CFAP54: variants seen among roughly 807,000 people sequenced by gnomAD.
CFAP54 encodes the protein cilia and flagella associated protein 54.
In CFAP54, 290 loss-of-function variants were observed where a neutral mutation model predicts 370.4. The ratio of observed to expected loss-of-function variants is 0.78; its 90% CI spans 0.71 to 0.86. The LOEUF (loss-of-function observed/expected upper bound fraction) is 0.86, where lower values mean the gene tolerates loss of function less well. Among genes scored for constraint, CFAP54 ranks in the 40% least tolerant of loss-of-function variants. The pLI, the probability that CFAP54 is intolerant of heterozygous loss-of-function variation, is 0.00. For missense variants in CFAP54, 3,399 were observed against 3,528.7 expected, an observed-to-expected ratio of 0.96 and a Z score of 0.93; for synonymous variants, 1,206 against 1,236.5, an observed-to-expected ratio of 0.98 and a Z score of 0.52.
intron 14 of CFAP54, among the ~76,000 whole-genome samples, chr12:96,547,581 A>C (rs1955653960): frequency 6.6e-6 from 1 of 152,184 alleles, no homozygotes; most frequent in South Asian, 2.1e-4. Context: ...GATTTTTTTA[A>C]ATTACCTTAC....
At chr12:96,698,240 T>C (rs1957456042) in intron 45 of CFAP54, among the ~76,000 whole-genome samples, 1 of 152,220 alleles carries the variant, frequency 6.6e-6, no homozygotes, top group South Asian at 2.1e-4. Flanking sequence ...AGAACTCCTT[T>C]TTCTATAATT....
At chr12:96,812,832 T>G (rs1027685229) in intron 64 of CFAP54, among the ~76,000 whole-genome samples, 1 of 152,220 alleles carries the variant, frequency 6.6e-6, no homozygotes, top group East Asian at 1.9e-4. Context: ...TATTTTCAAT[T>G]GTTCAGTCAG....
chr12:96,538,655 A>G, intron 13 of CFAP54, 137 bp downstream of exon 13: 1 of 808,932 alleles, frequency 1.2e-6, no homozygotes, highest in South Asian at 1.9e-5. Context: ...TATATAAAGA[A>G]GATATTCTTT....
At chr12:96,750,448 T>G (rs1958170009) in intron 55 of CFAP54, among the ~76,000 whole-genome samples, 1 of 152,248 alleles carries the variant, frequency 6.6e-6, no homozygotes, top group East Asian at 1.9e-4. Context: ...TTGTTATATG[T>G]TGATGATCAT....
intron 22 of CFAP54, among the ~76,000 whole-genome samples, chr12:96,581,813 T>C (rs1204548644): frequency 1.3e-5 from 2 of 152,120 alleles, no homozygotes; most frequent in African/African-American, 4.8e-5. Context: ...TTCCATTAAG[T>C]ATTCTTCCAA....
At chr12:96,770,519 A>G (rs1958450620) in intron 60 of CFAP54, among the ~76,000 whole-genome samples, 1 of 152,240 alleles carries the variant, frequency 6.6e-6, no homozygotes, top group South Asian at 2.1e-4. Context: ...TTAGAAGAGC[A>G]CAGTGGAATG....
At chr12:96,666,133 G>T (rs763486726) in intron 39 of CFAP54, among the ~76,000 whole-genome samples, 1 of 152,174 alleles carries the variant, frequency 6.6e-6, no homozygotes, top group Non-Finnish European at 1.5e-5. Context: ...AAGGAAAAGA[G>T]ATATTGATAG....
chr12:96,623,882 G>A lies in CFAP54; in HGVS notation c.3886+1G>A. 6.6e-7 allele frequency: 1 copy of A among 1,506,862 alleles called. No individual in the cohort carries two copies. Among genetic ancestry groups the A allele is most frequent in the African/African-American group, 1.4e-5 (1 of 72,354 alleles). The allele number at this position is 1,506,862 out of a possible 1,614,324, so 93.3% of individuals were successfully genotyped here. On this transcript the variant is annotated splice_donor_variant, in intron 28 of 67. Coordinates refer to ENST00000524981, the MANE Select transcript of CFAP54 (RefSeq NM_001306084.2). LOFTEE classifies it high-confidence loss of function. Reference sequence around the variant, plus strand: ...CACCTACTCAAACTGACAAAGCAATGTAATCATTTGTTTTCTGTATACTTC... The same window carrying A: ...CACCTACTCAAACTGACAAAGCAATATAATCATTTGTTTTCTGTATACTTC...
chr12:96,873,666 A>G (rs1202005731), intron 67 of CFAP54, among the ~76,000 whole-genome samples: 1 of 152,226 alleles, frequency 6.6e-6, no homozygotes, highest in Non-Finnish European at 1.5e-5. Flanking sequence ...TCTATTGCAA[A>G]TAGTCAACTC....
intron 9 of CFAP54, among the ~76,000 whole-genome samples, chr12:96,531,850 G>C (rs1469981796): frequency 9.9e-5 from 15 of 152,144 alleles, no homozygotes; most frequent in Middle Eastern, 3.4e-3. Context: ...TCAGCCTCCC[G>C]AGTAGTTGGG....
intron 48 of CFAP54, among the ~76,000 whole-genome samples, chr12:96,710,943 TC>T (rs1029663682): frequency 6.6e-6 from 1 of 152,164 alleles, no homozygotes; most frequent in African/African-American, 2.4e-5. Context: ...TGGGAAGTGT[TC>T]CCTCCTCTTT....
chr12:96,654,884 A>C (rs1182539149), intron 36 of CFAP54, among the ~76,000 whole-genome samples: 2 of 148,998 alleles, frequency 1.3e-5, no homozygotes, highest in African/African-American at 4.9e-5. Context: ...ACAAATACCA[A>C]CTGGAAAAGT....
chr12:96,733,673 C>T (rs187327209), intron 50 of CFAP54, among the ~76,000 whole-genome samples: 3 of 151,754 alleles, frequency 2.0e-5, no homozygotes, highest in South Asian at 4.2e-4. Context: ...AGATTTTAGA[C>T]TGTTGGCAGT....
intron 63 of CFAP54, among the ~76,000 whole-genome samples, chr12:96,811,160 G>T (rs191240651): frequency 2.0e-5 from 3 of 152,236 alleles, no homozygotes; most frequent in Admixed American, 2.0e-4. Context: ...ACTCTCAAAC[G>T]CTACAAATCC....
chr12:96,866,722 G>A (rs1424352929), intron 67 of CFAP54, among the ~76,000 whole-genome samples: 1 of 152,046 alleles, frequency 6.6e-6, no homozygotes, highest in African/African-American at 2.4e-5. Flanking sequence ...AATGCAATTC[G>A]GAACTAATGT....
intron 39 of CFAP54, among the ~76,000 whole-genome samples, chr12:96,669,509 G>A (rs2136532487): frequency 6.6e-6 from 1 of 152,290 alleles, no homozygotes; most frequent in Non-Finnish European, 1.5e-5. Flanking sequence ...TCAGCATAGA[G>A]GAGGGGACAG....
chr12:96,514,437 G>A (rs947895497), intron 5 of CFAP54, among the ~76,000 whole-genome samples: 1 of 152,186 alleles, frequency 6.6e-6, no homozygotes, highest in Non-Finnish European at 1.5e-5. Flanking sequence ...TAAATTGAGG[G>A]GGGACTCTCC....
chr12:96,661,376 TCTAG>T (rs970025514), intron 38 of CFAP54, among the ~76,000 whole-genome samples: 2 of 152,178 alleles, frequency 1.3e-5, no homozygotes, highest in African/African-American at 4.8e-5. Context: ...ATCACATCTG[TCTAG>T]CTAGCTAGCT....
chr12:96,790,342 A>C (rs548831333), intron 62 of CFAP54, among the ~76,000 whole-genome samples: 101 of 152,046 alleles, frequency 6.6e-4, no homozygotes, highest in South Asian at 1.0e-3. Flanking sequence ...CAAAGAACAA[A>C]AAAAAAAAAT....
Sources: allele counts gnomAD v4.1 joint callset (sites outside exome capture counted in the v4.1 genomes callset), GRCh38; gene constraint gnomAD v4.1.1; transcripts MANE v1.5; gene names NCBI Gene and HGNC (gene_info 2026-07-23, HGNC 2026-07-21).